The following CELSR1 variants were observed in gnomAD, a reference collection of about 807,000 sequenced individuals.
CELSR1 encodes the protein cadherin EGF LAG seven-pass G-type receptor 1, also known as adhesion G protein-coupled receptor C1.
A neutral mutation model predicts 249.1 loss-of-function variants in CELSR1; 110 were observed. That is an observed-to-expected ratio of 0.44 (90% confidence interval 0.38 to 0.52). CELSR1 has a LOEUF of 0.52. Among genes scored for constraint, CELSR1 ranks in the 20% least tolerant of loss-of-function variants. The pLI is 0.00. For missense variants in CELSR1, 4,109 were observed against 4,296.4 expected (o/e 0.96, Z 1.22); for synonymous variants, 2,113 against 1,900.0 (o/e 1.11, Z -2.92).
At chr22:46,478,036 G>A (rs943631665) in intron 1 of CELSR1, among the ~76,000 whole-genome samples, 2 of 152,106 alleles carry the variant, frequency 1.3e-5, no homozygotes, top group African/African-American at 4.8e-5. Context: ...CACCTGCCAG[G>A]GCAGCAGCAC....
Position 46,363,163 on chromosome 22 carries a change from G to T in CELSR1, c.*60C>A. On this transcript the variant is annotated 3_prime_UTR_variant, in exon 35 of 35. Transcript: ENST00000674500. The surrounding 1 kb of genome is among the most constrained non-coding windows in gnomAD (Gnocchi z 4.3). ...GAGGGTGATGCCGCAGCCTGTGTGG[G>T]GTGACGGGCTTGCCTCACGGTTTCC... 6.2e-7 allele frequency: 1 copy of T among 1,613,720 alleles called. No individual in the cohort carries two copies. The highest frequency in any genetic ancestry group is 8.5e-7 in the Non-Finnish European group (1 of 1,179,894).
Position 46,365,795 on chromosome 22 carries a change from C to A in CELSR1, c.8301-106G>T, listed in dbSNP as rs1303123381. On this transcript the variant is annotated intron_variant, in intron 30 of 34. Coordinates refer to ENST00000674500, the MANE Select transcript of CELSR1 (RefSeq NM_001378328.1). The stretch of plus-strand genomic sequence containing the variant: ...GCCCCTACCCCTTCTGTGTTCCCAA[C>A]AACAGCACAGACAAAACAGCCTCCC... 1.4e-5 allele frequency: 8 copies of A among 592,128 alleles called. No individual in the cohort carries two copies. In the Admixed American group the frequency reaches 1.4e-4, roughly 10 times the overall value. 36.7% of individuals were successfully genotyped at this position (592,128 alleles called of 1,614,324 possible).
At chr22:46,422,719 A>T (rs1204096546) in intron 5 of CELSR1, among the ~76,000 whole-genome samples, 1 of 150,568 alleles carries the variant, frequency 6.6e-6, no homozygotes, top group Non-Finnish European at 1.5e-5. Context: ...GTGAGCTGAG[A>T]TCACGCCACT....
In CELSR1 at chr22:46,471,451, G is replaced by A. The variant is rs1367977457; in HGVS notation, c.3545-7106C>T. Among the ~76,000 whole-genome samples, 10 of 152,126 alleles carry A rather than the reference G, an allele frequency of 6.6e-5. No homozygotes were observed. The highest frequency in any genetic ancestry group is 5.9e-4 in the Admixed American group (9 of 15,254). On this transcript the variant is annotated intron_variant, in intron 1 of 34. Transcript: ENST00000674500. The surrounding 1 kb of genome is among the most constrained non-coding windows in gnomAD (Gnocchi z 4.9). ...GTGGCCCAGGCTGGAATGCAGTGGT[G>A]TGATTACTGCAGCCTTGAGCTTTGA...
At chr22:46,444,191 G>A (rs534521317) in intron 2 of CELSR1, among the ~76,000 whole-genome samples, 51 of 152,354 alleles carry the variant, frequency 3.3e-4, no homozygotes, top group East Asian at 1.9e-4. Flanking sequence ...CCCCTCATCC[G>A]AGGGCTGGAA....
chr22:46,528,654 C>T (rs750942792), intron 1 of CELSR1, among the ~76,000 whole-genome samples: 5 of 152,176 alleles, frequency 3.3e-5, no homozygotes, highest in Admixed American at 1.3e-4. Context: ...TGAGGCCAGA[C>T]GCGGTGGCTC....
chr22:46,535,329 GC>G lies in CELSR1; in HGVS notation c.1841del (p.Gly614AlafsTer54). On this transcript the variant is annotated frameshift_variant, in exon 1 of 35. Transcript: ENST00000674500. LOFTEE classifies it high-confidence loss of function. ...LVDTASTFLG[G>X]GSAGPKNPAP... ...CAGGATTCTTAGGCCCAGCGCTGCC[GC>G]CCCCCAGAAAGGTGGAGGCCGTGTC... 6.2e-7 allele frequency: 1 copy of G among 1,612,010 alleles called. No homozygotes were observed.
At chr22:46,524,877 G>A (rs1020055759) in intron 1 of CELSR1, among the ~76,000 whole-genome samples, 14 of 152,124 alleles carry the variant, frequency 9.2e-5, no homozygotes, top group African/African-American at 7.2e-5. Context: ...GTGCTTCTGC[G>A]CAGCTCCCCT....
intron 5 of CELSR1, among the ~76,000 whole-genome samples, chr22:46,419,865 A>G (rs931956131): frequency 6.6e-6 from 1 of 151,462 alleles, no homozygotes; most frequent in African/African-American, 2.4e-5. Flanking sequence ...ATTCACACCC[A>G]CATGTGCACT....
chr22:46,469,340 G>A (rs2080129834), intron 1 of CELSR1, among the ~76,000 whole-genome samples: 2 of 152,102 alleles, frequency 1.3e-5, no homozygotes, highest in Admixed American at 1.3e-4. Context: ...TCCTGCCCCG[G>A]GGCCTTTGCG....
chr22:46,533,678 C>T lies in CELSR1; in HGVS notation c.3493G>A (p.Asp1165Asn), dbSNP rs142075439. The change falls in exon 1 of 35, where the codon GAC (aspartate) becomes AAC (asparagine). Residue 1165 changes from aspartate to asparagine, a missense_variant. By Grantham distance (23) the Asp-to-Asn change is conservative. This residue lies in a region of CELSR1 where 886 missense variants were observed against 896.5 expected (regional missense o/e 0.99). Transcript: ENST00000674500. ...PATGELQLSR[D>N]LDNNRPLEAL... is the part of the protein sequence containing the mutation. ...TCCAGCGGCCGGTTGTTGTCCAGGTCGCGGCTGAGCTGCAGTTCGCCCGTG... is the reference window on the plus strand; with the variant it reads ...TCCAGCGGCCGGTTGTTGTCCAGGTTGCGGCTGAGCTGCAGTTCGCCCGTG... The T allele has an allele frequency of 8.5e-5, 137 of 1,607,116 alleles. No individual in the cohort carries two copies. The highest frequency in any genetic ancestry group is 1.1e-4 in the Non-Finnish European group (130 of 1,178,240).
chr22:46,363,808 A>C lies in CELSR1; in HGVS notation c.9035+188T>G. The C allele has an allele frequency of 1.3e-6, 1 of 748,694 alleles. No homozygotes were observed. The highest frequency in any genetic ancestry group is 2.1e-6 in the Non-Finnish European group (1 of 485,658). 46.4% of individuals were successfully genotyped at this position (748,694 alleles called of 1,614,324 possible). Reference sequence around the variant, plus strand: ...TGTCCCCAGGATAGGGGGTCTGCCCATCTCCGGGGTATCCTCCTGACCTCA... The same window carrying C: ...TGTCCCCAGGATAGGGGGTCTGCCCCTCTCCGGGGTATCCTCCTGACCTCA... On this transcript the variant is annotated intron_variant, in intron 34 of 34. Coordinates refer to ENST00000674500, the MANE Select transcript of CELSR1 (RefSeq NM_001378328.1). This position sits in a 1 kb window ranked among gnomAD's most constrained non-coding sequence, Gnocchi z 4.3.
intron 1 of CELSR1, among the ~76,000 whole-genome samples, chr22:46,529,728 A>G (rs4823846): frequency 0.41 from 62,395 of 151,528 alleles, 14,984 homozygotes; most frequent in African/African-American, 0.68. Flanking sequence ...ACTTGAACCC[A>G]GGAGGTAGAG....
At chr22:46,376,973 C>CA in intron 24 of CELSR1, 88 bp downstream of exon 24, 1 of 1,368,292 alleles carries the variant, frequency 7.3e-7, no homozygotes, top group South Asian at 1.2e-5. Context: ...AGGAGCTAGC[C>CA]AGGGTGCTTG....
At chr22:46,421,570 T>G (rs1034241923) in intron 5 of CELSR1, among the ~76,000 whole-genome samples, 2 of 152,032 alleles carry the variant, frequency 1.3e-5, no homozygotes, top group African/African-American at 4.8e-5. Flanking sequence ...TCACATCACA[T>G]AGCAGCATCG....
At chr22:46,420,879 G>T (rs2079463158) in intron 5 of CELSR1, among the ~76,000 whole-genome samples, 1 of 152,164 alleles carries the variant, frequency 6.6e-6, no homozygotes. Context: ...CTGAATTGGG[G>T]GACAGAGCAT....
chr22:46,534,993 G>A lies in CELSR1; in HGVS notation c.2178C>T (p.Gly726=), dbSNP rs144550831. Reference sequence around the variant, plus strand: ...GTGCAAAGCGGTTCCGGGTGTTGCCGCCTGTGAGCTGGTAGGTAATCACAC... The same window carrying A: ...GTGCAAAGCGGTTCCGGGTGTTGCCACCTGTGAGCTGGTAGGTAATCACAC... ...ANSVITYQLT[G]GNTRNRFALS... The change falls in exon 1 of 35, where the codon GGC becomes GGT. Residue 726 remains glycine (G), a synonymous_variant. Coordinates refer to ENST00000674500, the MANE Select transcript of CELSR1 (RefSeq NM_001378328.1). This position sits in a 1 kb window ranked among gnomAD's most constrained non-coding sequence, Gnocchi z 9.7. 1.1e-5 allele frequency: 18 copies of A among 1,611,742 alleles called. No individual in the cohort carries two copies. The highest frequency in any genetic ancestry group is 1.4e-5 in the Non-Finnish European group (16 of 1,179,424).
At chr22:46,376,350 G>A (rs760980271) in intron 24 of CELSR1, among the ~76,000 whole-genome samples, 1 of 152,136 alleles carries the variant, frequency 6.6e-6, no homozygotes, top group East Asian at 1.9e-4. Context: ...AACGGTGAGA[G>A]GACTATTTAG....
rs752647973 is a variant in CELSR1 at position 46,409,884 on chromosome 22, G to A, written c.4934-4C>T. 6.2e-7 allele frequency: 1 copy of A among 1,611,678 alleles called. No homozygotes were observed. ...AAGTTCCTCCGAGCAGCGCAGCCTGGCAACACAGAGCGTGCGGCAGAGCCT... is the reference window on the plus strand; with the variant it reads ...AAGTTCCTCCGAGCAGCGCAGCCTGACAACACAGAGCGTGCGGCAGAGCCT... On this transcript the variant is annotated splice_region_variant and splice_polypyrimidine_tract_variant and intron_variant, in intron 7 of 34. Coordinates refer to ENST00000674500, the MANE Select transcript of CELSR1 (RefSeq NM_001378328.1). This position sits in a 1 kb window ranked among gnomAD's most constrained non-coding sequence, Gnocchi z 9.8.
Sources: allele counts gnomAD v4.1 joint callset (sites outside exome capture counted in the v4.1 genomes callset), GRCh38; gene constraint gnomAD v4.1.1; regional missense constraint gnomAD v4.1.1; non-coding constraint Gnocchi (gnomAD v3.1); transcripts MANE v1.5; gene names NCBI Gene and HGNC (gene_info 2026-07-23, HGNC 2026-07-21).